The following CTSH variants were observed in gnomAD, a reference collection of about 807,000 sequenced individuals.
The protein encoded by CTSH is pro-cathepsin H.
In CTSH, 52 loss-of-function variants were observed where a neutral mutation model predicts 56.3. That is an observed-to-expected ratio of 0.92 (90% CI 0.74 to 1.16). The LOEUF is 1.16. Among genes scored for constraint, CTSH ranks in the 50% most tolerant of loss-of-function variants. CTSH has a pLI of 0.00. For missense variants in CTSH, 406 were observed against 424.5 expected (o/e 0.96, Z 0.38); for synonymous variants, 174 against 155.7 (o/e 1.12, Z -0.88).
chr15:78,932,598 A>G, intron 5 of CTSH, 140 bp from the exon 6 acceptor site: 1 of 637,406 alleles, frequency 1.6e-6, no homozygotes, highest in Non-Finnish European at 2.8e-6. Context: ...CCTGTTCCAG[A>G]TCCATTCATT....
intron 8 of CTSH, 92 bp downstream of exon 8, chr15:78,929,319 TG>T (rs1310471503): frequency 2.3e-5 from 20 of 859,382 alleles, no homozygotes; most frequent in Non-Finnish European, 3.3e-5. Context: ...GGGAGGGAGG[TG>T]GGGGGAGAAG....
Position 78,944,959 on chromosome 15 carries a change from A to G in CTSH, c.23T>C (p.Leu8Pro), listed in dbSNP as rs2055367723. The change falls in exon 1 of 12, where the codon CTC becomes CCC. Residue 8 changes from leucine to proline, a missense_variant. Transcript: ENST00000220166. MWATLPL[L>P]CAGAWLLGVP... The stretch of plus-strand genomic sequence containing the variant: ...TCCCAGGAGCCAGGCCCCGGCGCAG[A>G]GCAGCGGCAGCGTGGCCCACATCGC... 3 of 1,545,498 alleles carry G rather than the reference A, an allele frequency of 1.9e-6. No homozygotes were observed. The highest frequency in any genetic ancestry group is 2.6e-6 in the Non-Finnish European group (3 of 1,145,380).
At chr15:78,943,981 G>A (rs776561215) in intron 1 of CTSH, among the ~76,000 whole-genome samples, 9 of 152,076 alleles carry the variant, frequency 5.9e-5, no homozygotes, top group Non-Finnish European at 8.8e-5. Flanking sequence ...CAACCCTCTG[G>A]CCCAGATTCA....
At chr15:78,936,717 C>T (rs1040166968) in intron 3 of CTSH, among the ~76,000 whole-genome samples, 18 of 151,962 alleles carry the variant, frequency 1.2e-4, no homozygotes, top group African/African-American at 4.1e-4. Flanking sequence ...GCAACCTCCA[C>T]CTCCCGGGAT....
At chr15:78,940,968 A>T (rs2055274493) in intron 1 of CTSH, among the ~76,000 whole-genome samples, 1 of 152,108 alleles carries the variant, frequency 6.6e-6, no homozygotes, top group Non-Finnish European at 1.5e-5. Flanking sequence ...TCAAATAAAG[A>T]AAACAAAACA....
chr15:78,934,371 G>A lies in CTSH; in HGVS notation c.405+607C>T, dbSNP rs553732248. 4.6e-5 allele frequency among the ~76,000 whole-genome samples: 7 copies of A among 152,358 alleles called. No homozygotes were observed. The South Asian group carries it at 1.2e-3, about 27-fold the overall frequency. On this transcript the variant is annotated intron_variant, in intron 5 of 11. Coordinates refer to ENST00000220166, the MANE Select transcript of CTSH (RefSeq NM_004390.5). Reference sequence around the variant, plus strand: ...CAGGTTCCCTGCTAGGGGAGGGGCCGCAGCAGGCCGGGAGAACAGCGGGGG... The same window carrying A: ...CAGGTTCCCTGCTAGGGGAGGGGCCACAGCAGGCCGGGAGAACAGCGGGGG...
At chr15:78,924,499 C>T (rs552158977) in intron 10 of CTSH, among the ~76,000 whole-genome samples, 1 of 152,056 alleles carries the variant, frequency 6.6e-6, no homozygotes, top group African/African-American at 2.4e-5. Flanking sequence ...CGGGCAGCAA[C>T]TGATGAAGGG....
chr15:78,938,947 T>C (rs2055232299), intron 2 of CTSH, among the ~76,000 whole-genome samples, 193 bp downstream of exon 2: 1 of 152,226 alleles, frequency 6.6e-6, no homozygotes, highest in South Asian at 2.1e-4. Context: ...GTTAATCACT[T>C]GGGACCACTA....
At chr15:78,937,054 C>A in intron 3 of CTSH, 1 of 455,914 alleles carries the variant, frequency 2.2e-6, no homozygotes, top group East Asian at 4.2e-5. Flanking sequence ...CAGGCTGGAC[C>A]CTCAGATGGC....
At chr15:78,935,974 G>C (rs530546905) in intron 3 of CTSH, among the ~76,000 whole-genome samples, 1 of 151,998 alleles carries the variant, frequency 6.6e-6, no homozygotes, top group African/African-American at 2.4e-5. Flanking sequence ...ATAGATGTCC[G>C]GGCCGTACTC....
rs1194232998 is a variant in CTSH, at chr15:78,935,672, ATACC to A, written c.300+4_300+7del. 1 of 1,605,976 alleles carries A rather than the reference ATACC, an allele frequency of 6.2e-7. No individual in the cohort carries two copies. Among genetic ancestry groups the A allele is most frequent in the Non-Finnish European group, 8.5e-7 (1 of 1,174,066 alleles). ...GATTCAGATTTGGTTGCAATGAATTATACCTACCTGAGGCTCTGACCAGAGATAC... is the reference window on the plus strand; with the variant it reads ...GATTCAGATTTGGTTGCAATGAATTATACCTGAGGCTCTGACCAGAGATAC... On this transcript the variant is annotated splice_donor_5th_base_variant and intron_variant, in intron 4 of 11. Transcript: ENST00000220166.
In CTSH at chr15:78,923,025, T is replaced by G. The variant is rs748272807; in HGVS notation, c.900A>C (p.Lys300Asn). 11 of 1,612,582 alleles carry G rather than the reference T, an allele frequency of 6.8e-6. No individual in the cohort carries two copies. Among genetic ancestry groups the G allele is most frequent in the East Asian group, 2.2e-5 (1 of 44,768 alleles). Residue 300 changes from lysine to asparagine, a missense_variant, in exon 11 of 12, where the codon AAA becomes AAC. Coordinates refer to ENST00000220166, the MANE Select transcript of CTSH (RefSeq NM_004390.5). ...TTCCCCACTGGGGACCCCAAGAGTT[T>G]TTCACGATCCAGTAAGGGATCCCAT... ...EKNGIPYWIVKNSWGPQWGMN... is the reference protein window; with the variant it reads ...EKNGIPYWIVNNSWGPQWGMN...
Position 78,931,386 on chromosome 15 carries a change from G to A in CTSH, c.548+65C>T, listed in dbSNP as rs142440548. The A allele has an allele frequency of 1.0e-3, 1,611 of 1,602,282 alleles. 17 individuals are homozygous for A. The African/African-American group carries it at 0.019, about 19-fold the overall frequency. The stretch of plus-strand genomic sequence containing the variant: ...ATCTGTGGCAGACCCAGCACACACT[G>A]GATCCTGTCGAAGCGGTCAGTGGGA... On this transcript the variant is annotated intron_variant, in intron 7 of 11. Transcript: ENST00000220166.
chr15:78,936,299 A>T (rs1273258695), intron 3 of CTSH, among the ~76,000 whole-genome samples: 1 of 148,888 alleles, frequency 6.7e-6, no homozygotes, highest in Non-Finnish European at 1.5e-5. Context: ...CTCCTGCCTC[A>T]GCTTCCCTAG....
intron 3 of CTSH, 70 bp downstream of exon 3, chr15:78,937,248 A>G: frequency 7.7e-7 from 1 of 1,298,008 alleles, no homozygotes; most frequent in Non-Finnish European, 1.1e-6. Flanking sequence ...ACCAGCCCCC[A>G]GCGGGCCCTT....
chr15:78,929,519 C>T, intron 7 of CTSH, 26 bp from the exon 8 acceptor site: 3 of 1,551,164 alleles, frequency 1.9e-6, no homozygotes, highest in Non-Finnish European at 2.7e-6. Context: ...ACAGGTGAGC[C>T]CACCTGGGGC....
chr15:78,940,252 A>G (rs906505214), intron 1 of CTSH, among the ~76,000 whole-genome samples: 2 of 152,240 alleles, frequency 1.3e-5, no homozygotes, highest in African/African-American at 4.8e-5. Context: ...TTAAATTTGA[A>G]TACCTCCAAA....
rs187696568 is a variant in CTSH at position 78,942,996 on chromosome 15, T to C, written c.91+1895A>G. On this transcript the variant is annotated intron_variant, in intron 1 of 11. Transcript: ENST00000220166. ...GGTTTCAGGGGATTCCAGATCTTGA[T>C]TAAGGGCCCTGCTGCAGCTGAGGGC... is the stretch of plus-strand genomic sequence containing the variant. 3.3e-5 allele frequency among the ~76,000 whole-genome samples: 5 copies of C among 152,216 alleles called. No individual in the cohort carries two copies. In the East Asian group the frequency reaches 9.6e-4, roughly 29 times the overall value.
intron 2 of CTSH, among the ~76,000 whole-genome samples, chr15:78,938,140 G>A (rs535381333): frequency 1.6e-4 from 24 of 152,256 alleles, no homozygotes; most frequent in Non-Finnish European, 3.2e-4. Flanking sequence ...AGGCTGAGGC[G>A]GGTGGATCAC....
Sources: allele counts gnomAD v4.1 joint callset (sites outside exome capture counted in the v4.1 genomes callset), GRCh38; gene constraint gnomAD v4.1.1; transcripts MANE v1.5; gene names NCBI Gene and HGNC (gene_info 2026-07-23, HGNC 2026-07-21).